The following NAA11 variants were observed in gnomAD, a reference collection of about 807,000 sequenced individuals.
NAA11 encodes the protein N-alpha-acetyltransferase 11.
A neutral mutation model predicts 16.1 loss-of-function variants in NAA11; 15 were observed. The observed-to-expected ratio is 0.93, with a 90% CI of 0.62 to 1.44. NAA11 has a LOEUF of 1.44. Among genes scored for constraint, NAA11 ranks in the 40% most tolerant of loss-of-function variants. The pLI, the probability that NAA11 is intolerant of heterozygous loss-of-function variation, is 0.00. For synonymous variants in NAA11, 122 were observed against 112.4 expected (o/e 1.09, Z -0.54); for missense variants, 298 against 291.3 (o/e 1.02, Z -0.17).
intron 1 of NAA11, among the ~76,000 whole-genome samples, chr4:79,303,724 C>G (rs978830133): frequency 3.3e-5 from 5 of 152,216 alleles, no homozygotes; most frequent in Admixed American, 3.3e-4. Context: ...TGGACGTTAC[C>G]ACTCTGTCAG....
intron 1 of NAA11, among the ~76,000 whole-genome samples, chr4:79,298,703 G>A (rs990772997): frequency 2.6e-5 from 4 of 152,252 alleles, no homozygotes; most frequent in Admixed American, 6.5e-5. Context: ...ATGGATACAC[G>A]CCCTTGGCAA....
At chr4:79,196,903 A>T in the NAA11 span, among the ~76,000 whole-genome samples, 3 of 142,726 alleles carry the variant, frequency 2.1e-5, no homozygotes, top group African/African-American at 7.6e-5. Flanking sequence ...CTTTGAAGAT[A>T]GAAGGGGCCA....
chr4:79,209,616 T>A, the NAA11 span, among the ~76,000 whole-genome samples: 6 of 152,164 alleles, frequency 3.9e-5, no homozygotes, highest in Admixed American at 3.3e-4. Flanking sequence ...AAAGTTAATA[T>A]ATAAGTAGGA....
chr4:79,199,649 C>G, the NAA11 span, among the ~76,000 whole-genome samples: 1 of 151,796 alleles, frequency 6.6e-6, no homozygotes, highest in Non-Finnish European at 1.5e-5. Flanking sequence ...CAATTACAGA[C>G]CCTCTTTCAA....
chr4:79,185,959 G>A, the NAA11 span, among the ~76,000 whole-genome samples: 4 of 152,114 alleles, frequency 2.6e-5, no homozygotes, highest in South Asian at 4.2e-4. Context: ...GACAACCACC[G>A]CCCCACATTG....
At chr4:79,303,838 C>T (rs1723483150) in intron 1 of NAA11, among the ~76,000 whole-genome samples, 1 of 152,132 alleles carries the variant, frequency 6.6e-6, no homozygotes, top group Non-Finnish European at 1.5e-5. Context: ...ACTTAAAGAT[C>T]AAAATGATTA....
the NAA11 span, among the ~76,000 whole-genome samples, chr4:79,218,520 T>C: frequency 6.6e-6 from 1 of 152,030 alleles, no homozygotes. Flanking sequence ...AAACCAAGAG[T>C]TATTAAAATT....
intron 2 of NAA11, among the ~76,000 whole-genome samples, chr4:79,267,249 C>T (rs1280489552): frequency 1.3e-5 from 2 of 152,026 alleles, no homozygotes; most frequent in East Asian, 1.9e-4. Flanking sequence ...TTTTCTGCCA[C>T]GGAGAATAGA....
chr4:79,173,239 C>T, the NAA11 span, among the ~76,000 whole-genome samples: 3 of 152,176 alleles, frequency 2.0e-5, no homozygotes, highest in Non-Finnish European at 4.4e-5. Flanking sequence ...GCGTCAGTGG[C>T]TCAGGCAACA....
chr4:79,315,218 T>C (rs1385627496), downstream of NAA11, among the ~76,000 whole-genome samples: 1 of 152,140 alleles, frequency 6.6e-6, no homozygotes, highest in Non-Finnish European at 1.5e-5. Flanking sequence ...TCTGCATTTT[T>C]TAACATAATA....
intron 2 of NAA11, among the ~76,000 whole-genome samples, chr4:79,287,975 G>A (rs1300450435): frequency 6.6e-6 from 1 of 152,096 alleles, no homozygotes; most frequent in Non-Finnish European, 1.5e-5. Flanking sequence ...ACAATGAGGT[G>A]TGACTTGAGT....
intron 2 of NAA11, among the ~76,000 whole-genome samples, chr4:79,278,878 A>C (rs900488943): frequency 2.0e-5 from 3 of 152,088 alleles, no homozygotes; most frequent in South Asian, 2.1e-4. Flanking sequence ...TTTGTTTCCC[A>C]CAGTTCTGAG....
the NAA11 span, among the ~76,000 whole-genome samples, chr4:79,215,546 G>A: frequency 6.0e-4 from 91 of 152,234 alleles, no homozygotes; most frequent in Middle Eastern, 3.4e-3. Flanking sequence ...TGGTACAAGT[G>A]GACCATGAAA....
intron 2 of NAA11, among the ~76,000 whole-genome samples, chr4:79,291,130 GT>G (rs1723074134): frequency 6.6e-6 from 1 of 152,106 alleles, no homozygotes; most frequent in Admixed American, 6.5e-5. Flanking sequence ...TATTATCCAA[GT>G]TTTTGGTTTA....
chr4:79,223,776 G>A (rs1721247087), downstream of NAA11, among the ~76,000 whole-genome samples: 1 of 148,634 alleles, frequency 6.7e-6, no homozygotes, highest in Non-Finnish European at 1.5e-5. Flanking sequence ...GCATGGTTAT[G>A]TTACTGATTT....
At chr4:79,204,501 T>C in the NAA11 span, among the ~76,000 whole-genome samples, 2 of 151,056 alleles carry the variant, frequency 1.3e-5, no homozygotes, top group African/African-American at 4.9e-5. Context: ...CCCTCTTTTT[T>C]CCTGCCTCCC....
the NAA11 span, among the ~76,000 whole-genome samples, chr4:79,202,647 A>ATATATATATATATC: frequency 5.5e-5 from 7 of 126,628 alleles, no homozygotes; most frequent in Non-Finnish European, 3.5e-5. Context: ...ATATATATAT[A>ATATATATATATATC]TATCTGTGTA....
At chr4:79,164,563 A>C in the NAA11 span, among the ~76,000 whole-genome samples, 1 of 152,194 alleles carries the variant, frequency 6.6e-6, no homozygotes, top group African/African-American at 2.4e-5. Flanking sequence ...GATAAAGAAC[A>C]CAAAATCTCC....
chr4:79,314,996 A>C (rs1723885589), downstream of NAA11, among the ~76,000 whole-genome samples: 1 of 152,176 alleles, frequency 6.6e-6, no homozygotes, highest in Non-Finnish European at 1.5e-5. Flanking sequence ...TATATTTAAG[A>C]AGGGGAATCT....
Sources: allele counts gnomAD v4.1 joint callset (sites outside exome capture counted in the v4.1 genomes callset), GRCh38; gene constraint gnomAD v4.1.1; transcripts MANE v1.5; gene names NCBI Gene and HGNC (gene_info 2026-07-23, HGNC 2026-07-21).